GAS7: variants seen among roughly 807,000 people sequenced by gnomAD.
GAS7 encodes growth arrest-specific protein 7.
Under a neutral mutation model 71.1 loss-of-function variants are expected in GAS7, and 28 were observed. That is an observed-to-expected ratio of 0.39 (90% CI 0.29 to 0.54). The LOEUF (loss-of-function observed/expected upper bound fraction) is 0.54. GAS7 is among the 20% of genes least tolerant of loss of function. GAS7 has a pLI of 0.62. For synonymous variants in GAS7, 258 were observed against 245.8 expected (o/e 1.05, Z -0.46); for missense variants, 436 against 627.8 (o/e 0.69, Z 3.27).
Position 9,944,706 on chromosome 17 carries a change from C to T in GAS7, c.616-1470G>A, listed in dbSNP as rs118043750. On this transcript the variant is annotated intron_variant, in intron 6 of 13. Transcript: ENST00000432992. ...TGATGACAGGGAGATCACCATCCTA[C>T]GGGGTCACAGTCGGGCTGTTCTTGC... 4.7e-4 allele frequency among the ~76,000 whole-genome samples: 71 copies of T among 152,332 alleles called. 1 individual carries two copies. In the East Asian group the frequency reaches 0.013, roughly 28 times the overall value.
intron 5 of GAS7, among the ~76,000 whole-genome samples, chr17:9,954,481 G>A (rs570509348): frequency 4.0e-5 from 6 of 148,964 alleles, no homozygotes; most frequent in African/African-American, 1.3e-4. Context: ...ATGGGGGGTG[G>A]GGGGTGGGGG....
intron 1 of GAS7, among the ~76,000 whole-genome samples, chr17:10,165,100 C>G (rs866109793): frequency 6.8e-6 from 1 of 147,530 alleles, no homozygotes; most frequent in South Asian, 2.1e-4. Context: ...CTGGCTAACA[C>G]AGTGAAACCC....
At chr17:9,970,786 G>C (rs1721132939) in intron 3 of GAS7, among the ~76,000 whole-genome samples, 1 of 152,166 alleles carries the variant, frequency 6.6e-6, no homozygotes, top group Non-Finnish European at 1.5e-5. Context: ...CTGATATGTA[G>C]TATCTGTCGA....
intron 4 of GAS7, among the ~76,000 whole-genome samples, chr17:9,964,005 G>A (rs552750640): frequency 1.8e-4 from 27 of 152,118 alleles, no homozygotes; most frequent in Non-Finnish European, 4.0e-4. Context: ...GCAGGTAATC[G>A]TTGGGCTTAA....
chr17:10,070,594 C>G (rs1046267619), intron 1 of GAS7, among the ~76,000 whole-genome samples: 1 of 152,020 alleles, frequency 6.6e-6, no homozygotes, highest in Non-Finnish European at 1.5e-5. Flanking sequence ...GAACTCCTGA[C>G]CTCTGGTGAT....
intron 1 of GAS7, among the ~76,000 whole-genome samples, chr17:10,196,141 T>G (rs1194589386): frequency 6.6e-6 from 1 of 152,148 alleles, no homozygotes; most frequent in African/African-American, 2.4e-5. Flanking sequence ...CTTTTCCCCA[T>G]GGATCCAGAC....
rs397857157 is a variant in GAS7, at chr17:10,178,702, C to CTTTTTTTTTTTT, written c.183+19494_183+19505dup. 7.5e-4 allele frequency among the ~76,000 whole-genome samples: 26 copies of CTTTTTTTTTTTT among 34,590 alleles called. 4 individuals are homozygous for CTTTTTTTTTTTT. The highest frequency in any genetic ancestry group is 6.2e-3 in the South Asian group (4 of 650). The allele number at this position is 34,590 out of a possible 152,430, so 22.7% of individuals were successfully genotyped here. A position where few individuals can be genotyped will look rare whatever the true frequency, so the allele number is the denominator to read the frequency against. The stretch of plus-strand genomic sequence containing the variant: ...TCAACTCCCCTCCCTCCCCCACCAC[C>CTTTTTTTTTTTT]TTTTTTTTTTTTTTTTTTTTTTTTT... On this transcript the variant is annotated intron_variant, in intron 1 of 13. Coordinates refer to ENST00000432992, the MANE Select transcript of GAS7 (RefSeq NM_201433.2).
At chr17:9,963,967 A>G (rs1309102583) in intron 4 of GAS7, among the ~76,000 whole-genome samples, 1 of 152,106 alleles carries the variant, frequency 6.6e-6, no homozygotes, top group Admixed American at 6.5e-5. Flanking sequence ...AGGGGATGGG[A>G]GCACAAATAA....
At chr17:10,071,463 TGAG>T in intron 1 of GAS7, among the ~76,000 whole-genome samples, 1 of 151,936 alleles carries the variant, frequency 6.6e-6, no homozygotes, top group South Asian at 2.1e-4. Context: ...CAGCCAGACA[TGAG>T]GAGGTGGGTG....
chr17:10,024,662 T>C (rs2072398983), intron 1 of GAS7, among the ~76,000 whole-genome samples: 1 of 152,208 alleles, frequency 6.6e-6, no homozygotes, highest in Non-Finnish European at 1.5e-5. Context: ...AGGACAGGCT[T>C]CAGTCCCTCT....
In GAS7 at chr17:9,969,755, T is replaced by C. The variant is rs1567837504; in HGVS notation, c.393A>G (p.Gly131=). The change falls in exon 4 of 14, where the codon GGA becomes GGG. Residue 131 remains glycine (G), a synonymous_variant. Transcript: ENST00000432992. This position sits in a 1 kb window ranked among gnomAD's most constrained non-coding sequence, Gnocchi z 5.5. ...GCGCTGGGGTCCCTGATGCGTGGTA[T>C]CCATTCACTGCAGGGACAGAGACAC... The part of the protein sequence containing the change: ...HRSSLPPTVN[G]YHASGTPAHP... 1.9e-6 allele frequency: 3 copies of C among 1,606,664 alleles called. No homozygotes were observed. The highest frequency in any genetic ancestry group is 2.6e-6 in the Non-Finnish European group (3 of 1,173,246).
chr17:10,091,924 A>G (rs1415988832), intron 1 of GAS7, among the ~76,000 whole-genome samples: 2 of 151,866 alleles, frequency 1.3e-5, no homozygotes, highest in African/African-American at 4.8e-5. Context: ...GGATCCATCC[A>G]GCCATCATGA....
At chr17:10,171,627 C>A (rs1311083182) in intron 1 of GAS7, among the ~76,000 whole-genome samples, 1 of 152,166 alleles carries the variant, frequency 6.6e-6, no homozygotes, top group South Asian at 2.1e-4. Flanking sequence ...TCCCATCTCC[C>A]TAAATAATCA....
At chr17:9,993,589 A>C (rs1367808979) in intron 2 of GAS7, among the ~76,000 whole-genome samples, 4 of 151,896 alleles carry the variant, frequency 2.6e-5, no homozygotes, top group African/African-American at 7.3e-5. Context: ...AATGGGCAAA[A>C]ACTGGAAGCA....
intron 1 of GAS7, among the ~76,000 whole-genome samples, chr17:10,138,692 G>A (rs953699849): frequency 2.6e-5 from 4 of 151,966 alleles, no homozygotes; most frequent in Admixed American, 1.3e-4. Context: ...GCTTGAACCC[G>A]GGAGGTGGAG....
chr17:10,191,892 AGAG>A (rs1425259116), intron 1 of GAS7, among the ~76,000 whole-genome samples: 3 of 146,298 alleles, frequency 2.1e-5, no homozygotes, highest in South Asian at 2.2e-4. Context: ...AAAAAAAAAA[AGAG>A]GAGAGAGATG....
chr17:9,931,746 A>G (rs988441682), intron 9 of GAS7, among the ~76,000 whole-genome samples: 4 of 152,172 alleles, frequency 2.6e-5, no homozygotes, highest in African/African-American at 9.7e-5. Flanking sequence ...ACTGGCTGGG[A>G]ATTCTCACTC....
chr17:9,969,858 T>C lies in GAS7; in HGVS notation c.386-96A>G. On this transcript the variant is annotated intron_variant, in intron 3 of 13. Coordinates refer to ENST00000432992, the MANE Select transcript of GAS7 (RefSeq NM_201433.2). This position sits in a 1 kb window ranked among gnomAD's most constrained non-coding sequence, Gnocchi z 5.5. ...CAGCCCCTTTTCCCACCTCCTTCCTTGGCTCTGAGAGGTCTTGCGTGGCGA... is the reference window on the plus strand; with the variant it reads ...CAGCCCCTTTTCCCACCTCCTTCCTCGGCTCTGAGAGGTCTTGCGTGGCGA... The C allele has an allele frequency of 2.5e-6, 2 of 797,854 alleles. No individual in the cohort carries two copies. Among genetic ancestry groups the C allele is most frequent in the Non-Finnish European group, 4.4e-6 (2 of 451,744 alleles). The allele number at this position is 797,854 out of a possible 1,614,324, so 49.4% of individuals were successfully genotyped here.
At chr17:10,146,611 G>A (rs1384362424) in intron 1 of GAS7, among the ~76,000 whole-genome samples, 1 of 152,134 alleles carries the variant, frequency 6.6e-6, no homozygotes, top group East Asian at 1.9e-4. Flanking sequence ...AGGAGACTGT[G>A]ATGCTCTCTC....
Sources: gnomAD v4.1 joint callset for allele counts (sites outside exome capture counted in the v4.1 genomes callset) on GRCh38, gnomAD v4.1.1 for gene constraint, Gnocchi (gnomAD v3.1) non-coding constraint, MANE v1.5 for transcripts, NCBI Gene and HGNC (gene_info 2026-07-23, HGNC 2026-07-21) for gene names.